GRK5: variants seen among roughly 807,000 people sequenced by gnomAD.
The protein encoded by GRK5 is g protein-coupled receptor kinase GRK5.
Under a neutral mutation model 78.4 loss-of-function variants are expected in GRK5, and 40 were observed. The ratio of observed to expected loss-of-function variants is 0.51; its 90% CI spans 0.40 to 0.66. The LOEUF (loss-of-function observed/expected upper bound fraction) is 0.66. Ranked by LOEUF, GRK5 falls within the 30% of genes least tolerant of loss-of-function variation. The probability of loss-of-function intolerance (pLI) is 0.00; values close to 1 mark genes in which losing one functional copy is unlikely to be tolerated. For synonymous variants in GRK5, 289 were observed against 296.8 expected, an observed-to-expected ratio of 0.97 and a Z score of 0.27; for missense variants, 598 against 759.9, an observed-to-expected ratio of 0.79 and a Z score of 2.50.
At chr10:119,391,381 A>G (rs12780837) in intron 3 of GRK5, among the ~76,000 whole-genome samples, 91,998 of 152,202 alleles carry the variant, frequency 0.6, 28,331 homozygotes, top group Middle Eastern at 0.76. Context: ...GTGCCCACCC[A>G]TCTGAAGCAC....
intron 2 of GRK5, among the ~76,000 whole-genome samples, chr10:119,349,041 C>T (rs1851148830): frequency 6.6e-6 from 1 of 152,168 alleles, no homozygotes; most frequent in Non-Finnish European, 1.5e-5. Context: ...CGCCCTCCTC[C>T]CACCCACCGT....
At chr10:119,233,752 T>A (rs1848873286) in intron 1 of GRK5, among the ~76,000 whole-genome samples, 1 of 152,138 alleles carries the variant, frequency 6.6e-6, no homozygotes, top group Non-Finnish European at 1.5e-5. Flanking sequence ...GCCAGCCCCC[T>A]GAGTCAAGGA....
chr10:119,212,156 C>CTT (rs567817399), intron 1 of GRK5, among the ~76,000 whole-genome samples: 4 of 145,088 alleles, frequency 2.8e-5, no homozygotes, highest in African/African-American at 7.5e-5. Context: ...AACTGCCTTT[C>CTT]TTTTTTTTTT....
At chr10:119,389,724 C>T (rs139506875) in intron 3 of GRK5, among the ~76,000 whole-genome samples, 1 of 152,214 alleles carries the variant, frequency 6.6e-6, no homozygotes, top group East Asian at 1.9e-4. Context: ...GAAAGCTTAA[C>T]ATAAAAACCC....
rs559097093 is a variant in GRK5, at chr10:119,213,523, TA to T, written c.52+5560del. Reference sequence around the variant, plus strand: ...AAGACTCTGTTTCAAAAAAGAAAAATAAAAAATTAAAATGTATTATGGCCTT... The same window carrying T: ...AAGACTCTGTTTCAAAAAAGAAAAATAAAAATTAAAATGTATTATGGCCTT... On this transcript the variant is annotated intron_variant, in intron 1 of 15. Coordinates refer to ENST00000392870, the MANE Select transcript of GRK5 (RefSeq NM_005308.3). Among the ~76,000 whole-genome samples the T allele has an allele frequency of 2.5e-3, 378 of 152,024 alleles. 2 individuals carry two copies. Among genetic ancestry groups the T allele is most frequent in the African/African-American group, 8.6e-3 (356 of 41,466 alleles).
In GRK5 at chr10:119,453,261, ACT is replaced by A; in HGVS notation, c.1662_1663del (p.Phe555GlnfsTer19). The part of the protein sequence containing the change: ...EPPKKGLLQR[L>X]FKRQHQNNSK... ...CGCCCAAGAAAGGGCTGCTCCAGAG[ACT>A]CTTCAAGCGGCAGGTGAGACACCCA... On this transcript the variant is annotated frameshift_variant, in exon 15 of 16. Coordinates refer to ENST00000392870, the MANE Select transcript of GRK5 (RefSeq NM_005308.3). LOFTEE classifies it high-confidence loss of function. 6.2e-7 allele frequency: 1 copy of A among 1,613,820 alleles called. No individual in the cohort carries two copies. Among genetic ancestry groups the A allele is most frequent in the Non-Finnish European group, 8.5e-7 (1 of 1,179,960 alleles).
intron 1 of GRK5, among the ~76,000 whole-genome samples, chr10:119,247,985 TTATATC>T (rs1564862505): frequency 6.6e-6 from 1 of 152,202 alleles, no homozygotes; most frequent in Non-Finnish European, 1.5e-5. Context: ...GAACAAGTGT[TTATATC>T]CATATGCACA....
intron 3 of GRK5, among the ~76,000 whole-genome samples, chr10:119,394,382 G>GTC (rs2133849373): frequency 9.5e-6 from 1 of 105,716 alleles, no homozygotes. Context: ...GTGTCGGTGT[G>GTC]TGTATCTGTG....
intron 4 of GRK5, among the ~76,000 whole-genome samples, chr10:119,410,212 G>C (rs1011150640): frequency 5.3e-5 from 8 of 152,156 alleles, no homozygotes; most frequent in African/African-American, 1.9e-4. Flanking sequence ...TGACGTAAAG[G>C]GTCGGGGTCT....
chr10:119,265,597 A>T (rs1849482245), intron 1 of GRK5, among the ~76,000 whole-genome samples: 1 of 152,220 alleles, frequency 6.6e-6, no homozygotes, highest in Admixed American at 6.5e-5. Flanking sequence ...TGGACTTCCT[A>T]ACTTTTAGAC....
At chr10:119,226,263 C>A (rs1221424942) in intron 1 of GRK5, among the ~76,000 whole-genome samples, 1 of 151,300 alleles carries the variant, frequency 6.6e-6, no homozygotes, top group Non-Finnish European at 1.5e-5. Context: ...CAGGTGTGAG[C>A]CACTGTGCCT....
intron 1 of GRK5, among the ~76,000 whole-genome samples, chr10:119,313,000 TGGTCGTG>T (rs1850393691): frequency 6.8e-6 from 1 of 147,630 alleles, no homozygotes; most frequent in Non-Finnish European, 1.5e-5. Flanking sequence ...GTGGTAATGG[TGGTCGTG>T]ACGGTGATGG....
chr10:119,249,304 A>G lies in GRK5; in HGVS notation c.52+41335A>G, dbSNP rs548992870. On this transcript the variant is annotated intron_variant, in intron 1 of 15. Transcript: ENST00000392870. ...AAAAAACGAAAAACAAAAAGGAGAT[A>G]CTAATAATACCTACCTTGTAGGGTG... Among the ~76,000 whole-genome samples, 4 of 152,220 alleles carry G rather than the reference A, an allele frequency of 2.6e-5. No homozygotes were observed. In the South Asian group the frequency reaches 8.3e-4, roughly 32 times the overall value.
chr10:119,276,748 C>T (rs1021137380), intron 1 of GRK5, among the ~76,000 whole-genome samples: 24 of 152,184 alleles, frequency 1.6e-4, no homozygotes, highest in African/African-American at 5.8e-4. Context: ...TTTAGCAACA[C>T]AGCTGGGAGG....
chr10:119,216,557 C>A (rs1408884409), intron 1 of GRK5, among the ~76,000 whole-genome samples: 1 of 152,176 alleles, frequency 6.6e-6, no homozygotes, highest in African/African-American at 2.4e-5. Flanking sequence ...GCCTGTAATC[C>A]CAGCATTTTG....
At chr10:119,433,932 T>C (rs548884322) in intron 8 of GRK5, among the ~76,000 whole-genome samples, 1 of 152,356 alleles carries the variant, frequency 6.6e-6, no homozygotes, top group African/African-American at 2.4e-5. Flanking sequence ...GAAAGAGGTT[T>C]GATGGACTTA....
intron 5 of GRK5, among the ~76,000 whole-genome samples, chr10:119,424,524 G>A (rs891630431): frequency 6.6e-5 from 10 of 152,278 alleles, no homozygotes; most frequent in African/African-American, 2.2e-4. Flanking sequence ...CCAGAGCTGC[G>A]GTTCTGAGGG....
chr10:119,450,428 AC>A (rs3837358), intron 13 of GRK5, among the ~76,000 whole-genome samples: 2,220 of 152,198 alleles, frequency 0.015, 71 homozygotes, highest in East Asian at 0.1. Flanking sequence ...TGTCAGCAAA[AC>A]CCCTTAAATA....
At position 119,331,800 on chromosome 10, in the gene GRK5, A is replaced by G. The variant is rs559075965; in HGVS notation, c.148+5189A>G. 5.3e-5 allele frequency among the ~76,000 whole-genome samples: 8 copies of G among 152,330 alleles called. No individual in the cohort carries two copies. The South Asian group carries it at 1.7e-3, about 32-fold the overall frequency. ...TAGCAGCCAGGGTGATTTTTGAAAA[A>G]TGAAAACTGGACCCTGTGAAATCAT... On this transcript the variant is annotated intron_variant, in intron 2 of 15. Transcript: ENST00000392870.
Sources: allele counts gnomAD v4.1 joint callset (sites outside exome capture counted in the v4.1 genomes callset), GRCh38; gene constraint gnomAD v4.1.1; transcripts MANE v1.5; gene names NCBI Gene and HGNC (gene_info 2026-07-23, HGNC 2026-07-21).